Variants in CCDC88A observed in about 807,000 individuals in gnomAD.
CCDC88A encodes the protein coiled-coil and HOOK domain protein 88A, also known as girdin.
In CCDC88A, 54 loss-of-function variants were observed where a neutral mutation model predicts 234.3. That is an observed-to-expected ratio of 0.23 (90% confidence interval 0.19 to 0.29). CCDC88A has a LOEUF of 0.29. Ranked by LOEUF, CCDC88A falls within the 10% of genes least tolerant of loss-of-function variation. The pLI, the probability that CCDC88A is intolerant of heterozygous loss-of-function variation, is 1.00. For synonymous variants in CCDC88A, 753 were observed against 737.8 expected (o/e 1.02, Z -0.33); for missense variants, 1,832 against 2,123.4 (o/e 0.86, Z 2.70).
chr2:55,355,056 T>C (rs1413579212), intron 8 of CCDC88A, among the ~76,000 whole-genome samples: 1 of 151,202 alleles, frequency 6.6e-6, no homozygotes, highest in Non-Finnish European at 1.5e-5. Context: ...CATTGTTAAC[T>C]GAAATGTCGT....
intron 2 of CCDC88A, chr2:55,417,832 T>C (rs1681729571): frequency 6.6e-6 from 1 of 152,102 alleles, no homozygotes; most frequent in Non-Finnish European, 1.5e-5. Flanking sequence ...AGACTTATTC[T>C]CTAGTAACAA....
At chr2:55,319,224 A>T (rs957962106) in intron 18 of CCDC88A, among the ~76,000 whole-genome samples, 1 of 152,200 alleles carries the variant, frequency 6.6e-6, no homozygotes, top group Non-Finnish European at 1.5e-5. Context: ...AAACTTTAAT[A>T]TTGTGCCTGT....
intron 22 of CCDC88A, 152 bp from the exon 23 acceptor site, chr2:55,312,731 T>C (rs890901044): frequency 1.0e-5 from 6 of 583,118 alleles, no homozygotes; most frequent in Admixed American, 5.8e-5. Flanking sequence ...ATTTTAGTGA[T>C]GACACCTACA....
intron 31 of CCDC88A, chr2:55,295,361 G>C: frequency 6.5e-7 from 1 of 1,530,390 alleles, no homozygotes; most frequent in South Asian, 1.2e-5. Context: ...GAGATGAATG[G>C]GCCACAGTAA....
Position 55,335,118 on chromosome 2 carries a change from G to C in CCDC88A, c.1703C>G (p.Ser568Cys). 6.4e-7 allele frequency: 1 copy of C among 1,574,734 alleles called. No homozygotes were observed. The highest frequency in any genetic ancestry group is 8.6e-7 in the Non-Finnish European group (1 of 1,165,342). The change falls in exon 15 of 33, where the codon TCT becomes TGT. Residue 568 changes from serine (S) to cysteine (C), a missense_variant. Around this residue, in one of 6 missense-constraint regions of CCDC88A, gnomAD observed 1,282 missense variants for 1,543.6 expected, o/e 0.83. Coordinates refer to ENST00000436346, the MANE Select transcript of CCDC88A (RefSeq NM_001365480.1). This position sits in a 1 kb window ranked among gnomAD's most constrained non-coding sequence, Gnocchi z 4.5. Reference sequence around the variant, plus strand: ...TATCTGGGACCGCTGCCTTAAGGAAGACACTGTTTGATTCAGATGTTCATT... The same window carrying C: ...TATCTGGGACCGCTGCCTTAAGGAACACACTGTTTGATTCAGATGTTCATT... ...QENEHLNQTV[S>C]SLRQRSQISA...
intron 17 of CCDC88A, chr2:55,323,434 A>G (rs1055766838): frequency 4.6e-5 from 7 of 152,210 alleles, no homozygotes; most frequent in African/African-American, 1.7e-4. Context: ...ATTGCTACCA[A>G]TGAGTTAGAA....
rs1406318847 is a variant in CCDC88A at position 55,295,740 on chromosome 2, G to C, written c.5408C>G (p.Pro1803Arg). Residue 1803 changes from proline (P) to arginine (R), a missense_variant, in exon 31 of 33, where the codon CCT (proline) becomes CGT (arginine). Physicochemically the swap from Pro to Arg is moderately radical, Grantham distance 103 (BLOSUM62 -2). This residue lies in a region of CCDC88A where 422 missense variants were observed against 416.5 expected (regional missense o/e 1.01). Coordinates refer to ENST00000436346, the MANE Select transcript of CCDC88A (RefSeq NM_001365480.1). Reference sequence around the variant, plus strand: ...AGTTGAGATCACGCTGCTTGCACGAGGTAAAGTTGCATAAGGGTTACTATC... The same window carrying C: ...AGTTGAGATCACGCTGCTTGCACGACGTAAAGTTGCATAAGGGTTACTATC... ...SKDSNPYATL[P>R]RASSVISTAE... is the part of the protein sequence containing the mutation. 1.2e-6 allele frequency: 2 copies of C among 1,614,140 alleles called. No homozygotes were observed. The highest frequency in any genetic ancestry group is 1.3e-5 in the African/African-American group (1 of 75,028).
Position 55,315,941 on chromosome 2 carries a change from T to C in CCDC88A, c.3920A>G (p.Asn1307Ser). 1 of 1,548,530 alleles carries C rather than the reference T, an allele frequency of 6.5e-7. No homozygotes were observed. Among genetic ancestry groups the C allele is most frequent in the African/African-American group, 1.4e-5 (1 of 71,852 alleles). The change falls in exon 22 of 33, where the codon AAT (asparagine) becomes AGT (serine). Residue 1307 changes from asparagine (N) to serine (S), a missense_variant. Asn to Ser is a conservative substitution (Grantham distance 46). This residue lies in a region of CCDC88A where 1,282 missense variants were observed against 1,543.6 expected (regional missense o/e 0.83). Coordinates refer to ENST00000436346, the MANE Select transcript of CCDC88A (RefSeq NM_001365480.1). ...TTTTAAGCTCACCTCACACTGGTTA[T>C]TCAGCTTGGTTGATGTAATATCCAA... ...QQLDITSTKL[N>S]NQCELLSQLK...
intron 1 of CCDC88A, 49 bp downstream of exon 1, chr2:55,418,968 C>A (rs757681091): frequency 4.4e-6 from 7 of 1,593,678 alleles, no homozygotes; most frequent in Non-Finnish European, 6.0e-6. Context: ...TCCATCTCTG[C>A]AGCCACAAAT....
chr2:55,400,996 A>G (rs1289438046), intron 2 of CCDC88A, among the ~76,000 whole-genome samples: 1 of 152,210 alleles, frequency 6.6e-6, no homozygotes, highest in African/African-American at 2.4e-5. Flanking sequence ...TGCTTTATGA[A>G]AAATAATTAA....
intron 2 of CCDC88A, among the ~76,000 whole-genome samples, chr2:55,391,781 G>A (rs114873397): frequency 2.1e-3 from 325 of 152,198 alleles, no homozygotes; most frequent in African/African-American, 7.7e-3. Flanking sequence ...TGATCTATGG[G>A]GCAATATTAA....
chr2:55,374,917 T>A, intron 3 of CCDC88A, 34 bp from the exon 4 acceptor site: 2 of 1,203,560 alleles, frequency 1.7e-6, no homozygotes, highest in African/African-American at 1.5e-5. Context: ...GTTATATGGG[T>A]AATGCTAACT....
At chr2:55,349,655 A>C in intron 8 of CCDC88A, 56 bp from the exon 9 acceptor site, 1 of 1,140,314 alleles carries the variant, frequency 8.8e-7, no homozygotes, top group South Asian at 1.3e-5. Context: ...TGTGATCATC[A>C]TCTGCGTTAA....
At chr2:55,341,889 AT>A (rs1668558518) in intron 12 of CCDC88A, among the ~76,000 whole-genome samples, 1 of 152,186 alleles carries the variant, frequency 6.6e-6, no homozygotes, top group East Asian at 1.9e-4. Context: ...GAATGCAGAT[AT>A]CTCTTTGATA....
chr2:55,393,091 T>C (rs1402618969), intron 2 of CCDC88A, among the ~76,000 whole-genome samples: 1 of 152,036 alleles, frequency 6.6e-6, no homozygotes, highest in Non-Finnish European at 1.5e-5. Context: ...TAATATTAAT[T>C]TGATTAAAAA....
At chr2:55,374,671 C>T (rs1302731340) in intron 4 of CCDC88A, 143 bp downstream of exon 4, 7 of 481,766 alleles carry the variant, frequency 1.5e-5, no homozygotes, top group Admixed American at 3.1e-5. Context: ...TTGTCTCTTT[C>T]TATAAAATGG....
chr2:55,384,432 A>C (rs1675115559), intron 3 of CCDC88A, among the ~76,000 whole-genome samples: 1 of 148,374 alleles, frequency 6.7e-6, no homozygotes. Flanking sequence ...AATTTTCTAC[A>C]TTACAACAAT....
intron 23 of CCDC88A, among the ~76,000 whole-genome samples, chr2:55,311,840 T>C (rs10198652): frequency 0.89 from 135,329 of 152,254 alleles, 60,406 homozygotes; most frequent in African/African-American, 0.96. Flanking sequence ...TTTCACATGT[T>C]TTGCAGCTTG....
chr2:55,416,451 T>A (rs1162761828), intron 2 of CCDC88A, among the ~76,000 whole-genome samples: 3 of 73,740 alleles, frequency 4.1e-5, no homozygotes, highest in South Asian at 4.0e-4. Context: ...TAAATATATA[T>A]ATATATATAT....
Sources: gnomAD v4.1 joint callset for allele counts (sites outside exome capture counted in the v4.1 genomes callset) on GRCh38, gnomAD v4.1.1 for gene constraint, gnomAD v4.1.1 regional missense constraint, Gnocchi (gnomAD v3.1) non-coding constraint, MANE v1.5 for transcripts, NCBI Gene and HGNC (gene_info 2026-07-23, HGNC 2026-07-21) for gene names.